ZNF140: variants seen among roughly 807,000 people sequenced by gnomAD.
ZNF140 encodes the protein zinc finger protein 140.
A neutral mutation model predicts 12.9 loss-of-function variants in ZNF140; 13 were observed. That is an observed-to-expected ratio of 1.01 (90% confidence interval 0.66 to 1.60). The LOEUF (loss-of-function observed/expected upper bound fraction) is 1.60. Among genes scored for constraint, ZNF140 ranks in the 40% most tolerant of loss-of-function variants. The pLI is 0.00. For missense variants in ZNF140, 531 were observed against 548.8 expected, an observed-to-expected ratio of 0.97 and a Z score of 0.32; for synonymous variants, 214 against 186.7, an observed-to-expected ratio of 1.15 and a Z score of -1.19.
chr12:133,090,857 T>TACAC (rs1954843102), intron 4 of ZNF140, among the ~76,000 whole-genome samples: 13 of 122,960 alleles, frequency 1.1e-4, no homozygotes, highest in Admixed American at 5.0e-4. Context: ...TAGATGTGCA[T>TACAC]GTAATCCAGA....
rs1266463951 is a variant in ZNF140, at chr12:133,106,239, G to C, written c.962G>C (p.Ser321Thr). Reference protein sequence around the residue: ...RRFSHLTRHQSIHTTKTPYEC... With the variant: ...RRFSHLTRHQTIHTTKTPYEC... The stretch of plus-strand genomic sequence containing the variant: ...TTCTCACACCTTACTCGACATCAGA[G>C]CATCCATACAACCAAAACCCCGTAT... Residue 321 changes from serine (S) to threonine (T), a missense_variant, in exon 5 of 5, where the codon AGC becomes ACC. Ser to Thr is a moderately conservative substitution (Grantham distance 58, BLOSUM62 1). Transcript: ENST00000355557. The C allele has an allele frequency of 6.2e-7, 1 of 1,614,198 alleles. No individual in the cohort carries two copies. Among genetic ancestry groups the C allele is most frequent in the South Asian group, 1.1e-5 (1 of 91,088 alleles).
chr12:133,099,366 G>A (rs1455699119), intron 4 of ZNF140, among the ~76,000 whole-genome samples: 4 of 151,974 alleles, frequency 2.6e-5, no homozygotes, highest in Admixed American at 6.6e-5. Context: ...TAGTAGAGAC[G>A]GGGTTTCACC....
At chr12:133,090,834 A>T (rs112107214) in intron 4 of ZNF140, among the ~76,000 whole-genome samples, 27 of 125,102 alleles carry the variant, frequency 2.2e-4, no homozygotes, top group African/African-American at 5.0e-4. Context: ...GGTTTAAGGG[A>T]AGGTACTATG....
At position 133,107,203 on chromosome 12, in the gene ZNF140, A is replaced by T. The variant is rs1259197514; in HGVS notation, c.*552A>T. 2 of 152,350 alleles carry T rather than the reference A, an allele frequency of 1.3e-5. No individual in the cohort carries two copies. The highest frequency in any genetic ancestry group is 2.9e-5 in the Non-Finnish European group (2 of 68,152). 9.4% of individuals were successfully genotyped at this position (152,350 alleles called of 1,614,324 possible). On this transcript the variant is annotated 3_prime_UTR_variant, in exon 5 of 5. Coordinates refer to ENST00000355557, the MANE Select transcript of ZNF140 (RefSeq NM_003440.4). ...TGTAGGAGAAAAAGCAACTGTATAA[A>T]TGAATGTAGAGTGACTTTCTGCAAT...
At position 133,081,348 on chromosome 12, in the gene ZNF140, AATAT is replaced by A. The variant is rs368640870; in HGVS notation, c.9+39_9+42del. 374 of 318,686 alleles carry A rather than the reference AATAT, an allele frequency of 1.2e-3. 7 individuals are homozygous for A. The highest frequency in any genetic ancestry group is 1.7e-3 in the Non-Finnish European group (292 of 172,424). 19.7% of individuals were successfully genotyped at this position (318,686 alleles called of 1,614,324 possible). ...GTCTCAGGTAAGCTAATGATTGATAAATATATATATATATATATATATAAATTTT... is the reference window on the plus strand; with the variant it reads ...GTCTCAGGTAAGCTAATGATTGATAAATATATATATATATATATAAATTTT... On this transcript the variant is annotated intron_variant, in intron 2 of 4. Transcript: ENST00000355557.
intron 4 of ZNF140, among the ~76,000 whole-genome samples, chr12:133,098,320 T>A (rs1252737851): frequency 6.6e-6 from 1 of 152,094 alleles, no homozygotes; most frequent in Non-Finnish European, 1.5e-5. Context: ...CACTGCAGCC[T>A]CCACCTCCCG....
At chr12:133,102,058 A>C (rs984032818) in intron 4 of ZNF140, among the ~76,000 whole-genome samples, 7 of 152,128 alleles carry the variant, frequency 4.6e-5, no homozygotes, top group Non-Finnish European at 1.5e-5. Context: ...TGTAGTGGTA[A>C]GGTGTTGAGG....
intron 4 of ZNF140, among the ~76,000 whole-genome samples, chr12:133,101,270 C>CT (rs1274599144): frequency 6.6e-6 from 1 of 152,030 alleles, no homozygotes; most frequent in Non-Finnish European, 1.5e-5. Flanking sequence ...GTTCTTCCTT[C>CT]TTTTTTAGTA....
At chr12:133,095,851 G>A (rs548511500) in intron 4 of ZNF140, among the ~76,000 whole-genome samples, 50 of 152,086 alleles carry the variant, frequency 3.3e-4, no homozygotes, top group South Asian at 1.0e-3. Context: ...AGAATAACAA[G>A]GCAGCATTAC....
At position 133,106,544 on chromosome 12, in the gene ZNF140, A is replaced by G. The variant is rs1279575263; in HGVS notation, c.1267A>G (p.Ser423Gly). 3.7e-6 allele frequency: 6 copies of G among 1,614,044 alleles called. No individual in the cohort carries two copies. The highest frequency in any genetic ancestry group is 5.1e-6 in the Non-Finnish European group (6 of 1,180,012). Residue 423 changes from serine to glycine, a missense_variant, in exon 5 of 5, where the codon AGC (serine) becomes GGC (glycine). Coordinates refer to ENST00000355557, the MANE Select transcript of ZNF140 (RefSeq NM_003440.4). ...YVCKVCNKSF[S>G]WSSNLAKHQR... ...ATGTAAGGTATGCAACAAATCCTTCAGCTGGAGCTCAAACCTTGCTAAACA... is the reference window on the plus strand; with the variant it reads ...ATGTAAGGTATGCAACAAATCCTTCGGCTGGAGCTCAAACCTTGCTAAACA...
rs943786992 is a variant in ZNF140, at chr12:133,106,431, A to T, written c.1154A>T (p.Tyr385Phe). 2.5e-5 allele frequency: 41 copies of T among 1,613,986 alleles called. No individual in the cohort carries two copies. In the South Asian group the frequency reaches 4.4e-4, roughly 17 times the overall value. ...HTKSHTGEKP[Y>F]ACAECDKAFS... ...AAGAGTCACACTGGAGAGAAACCCT[A>T]TGCGTGTGCTGAATGTGATAAAGCC... Residue 385 changes from tyrosine to phenylalanine, a missense_variant, in exon 5 of 5, where the codon TAT becomes TTT. Physicochemically the swap from Tyr to Phe is conservative, Grantham distance 22. Coordinates refer to ENST00000355557, the MANE Select transcript of ZNF140 (RefSeq NM_003440.4).
intron 4 of ZNF140, among the ~76,000 whole-genome samples, chr12:133,085,829 C>T (rs1954655415): frequency 6.6e-6 from 1 of 152,092 alleles, no homozygotes; most frequent in Non-Finnish European, 1.5e-5. Flanking sequence ...CAAGCCTGGG[C>T]AACATAGAGA....
intron 4 of ZNF140, among the ~76,000 whole-genome samples, chr12:133,086,178 A>G (rs1223062352): frequency 6.6e-6 from 1 of 152,182 alleles, no homozygotes; most frequent in Non-Finnish European, 1.5e-5. Flanking sequence ...ATGTATCCTG[A>G]TACATATTGG....
Sources: gnomAD v4.1 joint callset for allele counts (sites outside exome capture counted in the v4.1 genomes callset) on GRCh38, gnomAD v4.1.1 for gene constraint, MANE v1.5 for transcripts, NCBI Gene and HGNC (gene_info 2026-07-23, HGNC 2026-07-21) for gene names.